CNTNAP2: variants seen among roughly 807,000 people sequenced by gnomAD.
The protein encoded by CNTNAP2 is contactin-associated protein-like 2.
Under a neutral mutation model 155.2 loss-of-function variants are expected in CNTNAP2, and 98 were observed. The ratio of observed to expected loss-of-function variants is 0.63; its 90% CI spans 0.54 to 0.75. The LOEUF is 0.75. CNTNAP2 is among the 30% of genes least tolerant of loss of function. CNTNAP2 has a pLI of 0.00. For synonymous variants in CNTNAP2, 651 were observed against 631.2 expected, an observed-to-expected ratio of 1.03 and a Z score of -0.47; for missense variants, 1,727 against 1,688.1, an observed-to-expected ratio of 1.02 and a Z score of -0.40.
intron 1 of CNTNAP2, among the ~76,000 whole-genome samples, chr7:146,177,995 T>C (rs925126940): frequency 1.6e-4 from 24 of 152,186 alleles, no homozygotes; most frequent in Non-Finnish European, 7.4e-5. Flanking sequence ...TATTTTATTT[T>C]ATTTCATAAA....
intron 3 of CNTNAP2, among the ~76,000 whole-genome samples, chr7:146,887,946 G>A (rs1257911576): frequency 2.6e-5 from 4 of 151,838 alleles, no homozygotes; most frequent in African/African-American, 7.3e-5. Flanking sequence ...ACTGACTTAG[G>A]GTTGTTCTGT....
chr7:146,322,935 G>A (rs1801031732), intron 1 of CNTNAP2, among the ~76,000 whole-genome samples: 1 of 151,920 alleles, frequency 6.6e-6, no homozygotes. Context: ...TAATGAAAAT[G>A]AGTCATTTTC....
intron 8 of CNTNAP2, among the ~76,000 whole-genome samples, chr7:147,144,862 G>A (rs1007025173): frequency 6.6e-6 from 1 of 152,100 alleles, no homozygotes; most frequent in South Asian, 2.1e-4. Flanking sequence ...GTGGCTGATC[G>A]GTATTGTGTG....
At chr7:148,122,127 G>A (rs1023435603) in intron 16 of CNTNAP2, among the ~76,000 whole-genome samples, 2 of 152,188 alleles carry the variant, frequency 1.3e-5, no homozygotes, top group Admixed American at 6.5e-5. Flanking sequence ...GTGCATACTA[G>A]CATTCACATC....
chr7:146,527,125 A>T (rs143712893), intron 1 of CNTNAP2, among the ~76,000 whole-genome samples: 60 of 152,222 alleles, frequency 3.9e-4, no homozygotes, highest in African/African-American at 1.4e-3. Context: ...TCTTTACAAA[A>T]TATGTAATGA....
chr7:147,665,218 T>G (rs1563044443), intron 13 of CNTNAP2, among the ~76,000 whole-genome samples: 1 of 152,212 alleles, frequency 6.6e-6, no homozygotes, highest in Non-Finnish European at 1.5e-5. Context: ...ACTCTTAATT[T>G]AAGAGTATTA....
Position 148,417,180 on chromosome 7 carries a change from G to A in CNTNAP2, c.*1564G>A, listed in dbSNP as rs765025226. 1 of 152,110 alleles carries A rather than the reference G, an allele frequency of 6.6e-6. No individual in the cohort carries two copies. The highest frequency in any genetic ancestry group is 2.4e-5 in the African/African-American group (1 of 41,386). The allele number at this position is 152,110 out of a possible 1,614,324, so 9.4% of individuals were successfully genotyped here. On this transcript the variant is annotated 3_prime_UTR_variant, in exon 24 of 24. Transcript: ENST00000361727. ...CTGGGAGAGGTTAAGAGGAGGTTTC[G>A]AAGGTATAGATGCTATTGTTCTGAT...
intron 1 of CNTNAP2, among the ~76,000 whole-genome samples, chr7:146,442,779 C>G (rs780377322): frequency 6.6e-6 from 1 of 152,176 alleles, no homozygotes; most frequent in Non-Finnish European, 1.5e-5. Flanking sequence ...AACATTAGTA[C>G]TTGAGGCTTG....
intron 1 of CNTNAP2, among the ~76,000 whole-genome samples, chr7:146,677,335 G>C (rs1800418324): frequency 6.6e-6 from 1 of 152,190 alleles, no homozygotes; most frequent in Non-Finnish European, 1.5e-5. Context: ...GGGTTATAGA[G>C]ACCAAGGTTT....
At chr7:146,352,956 C>G (rs565316763) in intron 1 of CNTNAP2, among the ~76,000 whole-genome samples, 55 of 151,482 alleles carry the variant, frequency 3.6e-4, no homozygotes, top group Admixed American at 7.9e-4. Context: ...GGATTTCACC[C>G]TGTTAGCCAG....
chr7:147,121,108 G>T lies in CNTNAP2; in HGVS notation c.884G>T (p.Ser295Ile). The part of the protein sequence containing the change: ...GRSINLTLDR[S>I]MQHFRTNGEF... ...AGCATTAACCTCACTCTGGACAGGA[G>T]CATGCAGCACTTCCGTACCAATGGA... The change falls in exon 6 of 24, where the codon AGC (serine) becomes ATC (isoleucine). Residue 295 changes from serine (S) to isoleucine (I), a missense_variant. Coordinates refer to ENST00000361727, the MANE Select transcript of CNTNAP2 (RefSeq NM_014141.6). The T allele has an allele frequency of 1.2e-6, 2 of 1,614,154 alleles. No individual in the cohort carries two copies. The highest frequency in any genetic ancestry group is 1.7e-6 in the Non-Finnish European group (2 of 1,180,016).
At chr7:146,517,016 T>C (rs1163419738) in intron 1 of CNTNAP2, among the ~76,000 whole-genome samples, 2 of 151,966 alleles carry the variant, frequency 1.3e-5, no homozygotes, top group Non-Finnish European at 2.9e-5. Context: ...TTCAAATATA[T>C]TAAATGGAAA....
chr7:147,911,324 C>T (rs891816962), intron 14 of CNTNAP2, among the ~76,000 whole-genome samples: 1 of 152,152 alleles, frequency 6.6e-6, no homozygotes, highest in Non-Finnish European at 1.5e-5. Flanking sequence ...AGGGTTGCAA[C>T]ATTTGCCATA....
intron 4 of CNTNAP2, among the ~76,000 whole-genome samples, chr7:147,093,656 CAA>C (rs995905124): frequency 9.9e-5 from 15 of 152,254 alleles, no homozygotes; most frequent in African/African-American, 3.4e-4. Context: ...TTCTCACACA[CAA>C]AATGCGTTTA....
At chr7:146,558,417 A>T (rs1265928670) in intron 1 of CNTNAP2, among the ~76,000 whole-genome samples, 1 of 152,018 alleles carries the variant, frequency 6.6e-6, no homozygotes, top group Non-Finnish European at 1.5e-5. Context: ...CTTTTTTTTT[A>T]ACCACTTTAT....
At chr7:147,943,963 TC>T (rs1343996885) in intron 14 of CNTNAP2, among the ~76,000 whole-genome samples, 1 of 151,928 alleles carries the variant, frequency 6.6e-6, no homozygotes, top group East Asian at 1.9e-4. Context: ...AGCTAGCATC[TC>T]CATCGTTCAA....
At chr7:146,698,938 C>CT (rs1800829650) in intron 1 of CNTNAP2, among the ~76,000 whole-genome samples, 1 of 152,000 alleles carries the variant, frequency 6.6e-6, no homozygotes, top group Admixed American at 6.6e-5. Flanking sequence ...TTATTTTTAT[C>CT]TTTTTTTTCT....
intron 1 of CNTNAP2, among the ~76,000 whole-genome samples, chr7:146,682,898 T>C (rs1013394272): frequency 2.6e-5 from 4 of 152,230 alleles, no homozygotes; most frequent in African/African-American, 9.6e-5. Context: ...ATCCTGGTAG[T>C]AATTTATAGG....
intron 16 of CNTNAP2, among the ~76,000 whole-genome samples, chr7:148,134,835 A>T (rs1246210074): frequency 6.6e-5 from 10 of 152,208 alleles, no homozygotes; most frequent in Admixed American, 5.9e-4. Flanking sequence ...AAAAGGACAA[A>T]ACAAAAATTC....
Sources: gnomAD v4.1 joint callset for allele counts (sites outside exome capture counted in the v4.1 genomes callset) on GRCh38, gnomAD v4.1.1 for gene constraint, MANE v1.5 for transcripts, NCBI Gene and HGNC (gene_info 2026-07-23, HGNC 2026-07-21) for gene names.